The following TMEM150C variants were observed in gnomAD, a reference collection of about 807,000 sequenced individuals.
TMEM150C encodes tentonin 3.
TMEM150C carries 10 observed loss-of-function variants against 29.9 expected under a neutral mutation model. That is an observed-to-expected ratio of 0.33 (90% CI 0.21 to 0.57). TMEM150C has a LOEUF of 0.57. Ranked by LOEUF, TMEM150C falls within the 20% of genes least tolerant of loss-of-function variation. The pLI is 0.88. For missense variants in TMEM150C, 251 were observed against 303.6 expected, an observed-to-expected ratio of 0.83 and a Z score of 1.29; for synonymous variants, 101 against 112.5, an observed-to-expected ratio of 0.90 and a Z score of 0.64.
chr4:82,561,115 A>C (rs1725907567), intron 1 of TMEM150C, among the ~76,000 whole-genome samples: 1 of 152,206 alleles, frequency 6.6e-6, no homozygotes, highest in African/African-American at 2.4e-5. Context: ...TAGAGAAAAA[A>C]GGAGCATGAA....
In TMEM150C at chr4:82,523,866, TG is replaced by T. The variant is rs550897179; in HGVS notation, c.-10-19200del. On this transcript the variant is annotated intron_variant, in intron 1 of 7. Coordinates refer to ENST00000449862, the MANE Select transcript of TMEM150C (RefSeq NM_001080506.3). ...CTAATTTTTGTATTTTTAGTGGAGA[TG>T]GGGGGGGTTTCACCATGTTGGCCAG... is the stretch of plus-strand genomic sequence containing the variant. Among the ~76,000 whole-genome samples the T allele has an allele frequency of 5.2e-4, 78 of 150,992 alleles. No homozygotes were observed. In the East Asian group the frequency reaches 6.6e-3, roughly 13 times the overall value.
chr4:82,485,535 A>G lies in TMEM150C; in HGVS notation c.726T>C (p.Ser242=). 6.2e-7 allele frequency: 1 copy of G among 1,605,134 alleles called. No homozygotes were observed. Among genetic ancestry groups the G allele is most frequent in the Non-Finnish European group, 8.5e-7 (1 of 1,175,726 alleles). Residue 242 remains serine, a synonymous_variant, in exon 8 of 8, where the codon TCT becomes TCC. Coordinates refer to ENST00000449862, the MANE Select transcript of TMEM150C (RefSeq NM_001080506.3). ...LSFSESLSEA[S]EYQTDQV is the part of the protein sequence containing the mutation. ...TTTACACCTGGTCAGTCTGATATTC[A>G]GAAGCTTCTGACAGGCTTTCTGAGA...
At chr4:82,553,089 A>G (rs924732030) in intron 1 of TMEM150C, among the ~76,000 whole-genome samples, 2 of 152,188 alleles carry the variant, frequency 1.3e-5, no homozygotes, top group African/African-American at 2.4e-5. Flanking sequence ...TGTCACCTTT[A>G]TGGGCCACCT....
In TMEM150C at chr4:82,485,279, C is replaced by A. The variant is rs1260707977; in HGVS notation, c.*232G>T. ...GAAGTGATCATGCACAAGCTTCTTG[C>A]TCTGTCGTGCATATATTTTCAGTGT... On this transcript the variant is annotated 3_prime_UTR_variant, in exon 8 of 8. Coordinates refer to ENST00000449862, the MANE Select transcript of TMEM150C (RefSeq NM_001080506.3). 2 of 505,162 alleles carry A rather than the reference C, an allele frequency of 4.0e-6. No individual in the cohort carries two copies. The highest frequency in any genetic ancestry group is 7.2e-6 in the Non-Finnish European group (2 of 278,642). The allele number at this position is 505,162 out of a possible 1,614,324, so 31.3% of individuals were successfully genotyped here. A position where few individuals can be genotyped will look rare whatever the true frequency, so the allele number is the denominator to read the frequency against.
chr4:82,517,935 T>A (rs1308300285), intron 1 of TMEM150C, among the ~76,000 whole-genome samples: 1 of 152,194 alleles, frequency 6.6e-6, no homozygotes, highest in South Asian at 2.1e-4. Context: ...AGCAATAACA[T>A]ATTCTAACAA....
chr4:82,534,660 A>G lies in TMEM150C; in HGVS notation c.-11+27246T>C, dbSNP rs1291474382. On this transcript the variant is annotated intron_variant, in intron 1 of 7. Coordinates refer to ENST00000449862, the MANE Select transcript of TMEM150C (RefSeq NM_001080506.3). ...TGATTAGAATGCAGATTCCTGGTTT[A>G]CAGATGCCCATCTTATAGAATTGGA... Among the ~76,000 whole-genome samples, 3 of 152,212 alleles carry G rather than the reference A, an allele frequency of 2.0e-5. No homozygotes were observed. The South Asian group carries it at 6.2e-4, about 32-fold the overall frequency.
chr4:82,557,146 C>A (rs547863764), intron 1 of TMEM150C, among the ~76,000 whole-genome samples: 2 of 152,260 alleles, frequency 1.3e-5, no homozygotes, highest in South Asian at 4.1e-4. Flanking sequence ...TGGGTTTAAT[C>A]AAAGCAAATT....
At chr4:82,534,440 A>G (rs1026712871) in intron 1 of TMEM150C, among the ~76,000 whole-genome samples, 2 of 152,230 alleles carry the variant, frequency 1.3e-5, no homozygotes, top group Admixed American at 1.3e-4. Flanking sequence ...TAATTAGAAG[A>G]TATAATAGAA....
chr4:82,540,114 CTTTTTTTTTTTTTTTTTTTTTTTT>C (rs577728662), intron 1 of TMEM150C, among the ~76,000 whole-genome samples: 4 of 47,262 alleles, frequency 8.5e-5, no homozygotes, highest in Admixed American at 5.1e-4. Flanking sequence ...TCTACCTATT[CTTTTTTTTTTTTTTTTTTTTTTTT>C]TTTTTTTTTT....
intron 1 of TMEM150C, among the ~76,000 whole-genome samples, chr4:82,505,258 G>A (rs72658974): frequency 1.3e-5 from 2 of 152,172 alleles, no homozygotes; most frequent in Non-Finnish European, 2.9e-5. Context: ...TGTTGCCCAA[G>A]CTGGTCTTGA....
chr4:82,551,619 G>A (rs187689253), intron 1 of TMEM150C, among the ~76,000 whole-genome samples: 59 of 152,140 alleles, frequency 3.9e-4, no homozygotes, highest in Middle Eastern at 6.8e-3. Context: ...CCCTTTTCAC[G>A]TGACTACTCT....
chr4:82,543,122 T>C (rs1725245622), intron 1 of TMEM150C, among the ~76,000 whole-genome samples: 1 of 152,234 alleles, frequency 6.6e-6, no homozygotes, highest in African/African-American at 2.4e-5. Flanking sequence ...CTGGGAATAC[T>C]GGAACCAGGA....
At chr4:82,529,273 C>CCCTT (rs1334286766) in intron 1 of TMEM150C, among the ~76,000 whole-genome samples, 2 of 144,764 alleles carry the variant, frequency 1.4e-5, no homozygotes, top group Non-Finnish European at 3.0e-5. Context: ...CTCCCTCCCT[C>CCCTT]CCTTCCTTCC....
intron 1 of TMEM150C, among the ~76,000 whole-genome samples, chr4:82,557,639 G>C (rs1725774755): frequency 1.3e-5 from 2 of 151,932 alleles, no homozygotes; most frequent in Non-Finnish European, 2.9e-5. Flanking sequence ...CAGACACATA[G>C]AAATTAAAAA....
chr4:82,556,257 C>T (rs1385910177), intron 1 of TMEM150C, among the ~76,000 whole-genome samples: 3 of 152,176 alleles, frequency 2.0e-5, no homozygotes, highest in African/African-American at 4.8e-5. Context: ...GGATTACAGG[C>T]GTGAGCCAAC....
chr4:82,533,604 G>C (rs370659823), intron 1 of TMEM150C, among the ~76,000 whole-genome samples: 3 of 152,216 alleles, frequency 2.0e-5, no homozygotes, highest in South Asian at 4.2e-4. Flanking sequence ...CTCGTAACCA[G>C]TTTTATCAAT....
At chr4:82,528,333 A>C (rs1340193666) in intron 1 of TMEM150C, among the ~76,000 whole-genome samples, 1 of 152,184 alleles carries the variant, frequency 6.6e-6, no homozygotes, top group Non-Finnish European at 1.5e-5. Flanking sequence ...CCACCTCTGA[A>C]GTTCTGGCTC....
chr4:82,553,902 G>C (rs1158822543), intron 1 of TMEM150C, among the ~76,000 whole-genome samples: 1 of 152,078 alleles, frequency 6.6e-6, no homozygotes, highest in African/African-American at 2.4e-5. Flanking sequence ...TTATAAAATG[G>C]CAAGCCACTC....
intron 1 of TMEM150C, among the ~76,000 whole-genome samples, chr4:82,549,214 A>G (rs901270379): frequency 6.6e-6 from 1 of 152,212 alleles, no homozygotes; most frequent in African/African-American, 2.4e-5. Flanking sequence ...TACTAACAAA[A>G]ATATTTTTCT....
Sources: allele counts gnomAD v4.1 joint callset (sites outside exome capture counted in the v4.1 genomes callset), GRCh38; gene constraint gnomAD v4.1.1; transcripts MANE v1.5; gene names NCBI Gene and HGNC (gene_info 2026-07-23, HGNC 2026-07-21).